ZDHHC5: variants seen among roughly 807,000 people sequenced by gnomAD.
ZDHHC5 encodes the protein palmitoyltransferase ZDHHC5.
In ZDHHC5, 22 loss-of-function variants were observed where a neutral mutation model predicts 70.0. That is an observed-to-expected ratio of 0.31 (90% CI 0.22 to 0.45). The LOEUF (loss-of-function observed/expected upper bound fraction) is 0.45. ZDHHC5 is among the 20% of genes least tolerant of loss of function. ZDHHC5 has a pLI of 1.00. For synonymous variants in ZDHHC5, 313 were observed against 347.8 expected (o/e 0.90, Z 1.11); for missense variants, 746 against 926.9 (o/e 0.80, Z 2.53).
At position 57,698,769 on chromosome 11, in the gene ZDHHC5, T is replaced by G; in HGVS notation, c.1333T>G (p.Ser445Ala). 4 of 1,614,160 alleles carry G rather than the reference T, an allele frequency of 2.5e-6. No homozygotes were observed. The Admixed American group carries it at 6.7e-5, about 27-fold the overall frequency. ...GTGFELGQLQSIRSEGTTSTS... is the reference protein window; with the variant it reads ...GTGFELGQLQAIRSEGTTSTS... The stretch of plus-strand genomic sequence containing the variant: ...AGGCTTTGAGCTGGGCCAGTTGCAA[T>G]CCATTCGTTCAGAGGGCACCACCTC... The change falls in exon 11 of 12, where the codon TCC (serine) becomes GCC (alanine). Residue 445 changes from serine (S) to alanine (A), a missense_variant. By Grantham distance (99) the Ser-to-Ala change is moderately conservative (BLOSUM62 1). This residue lies in a region of ZDHHC5 where 340 missense variants were observed against 350.1 expected (regional missense o/e 0.97). Coordinates refer to ENST00000287169, the MANE Select transcript of ZDHHC5 (RefSeq NM_015457.3).
Position 57,690,364 on chromosome 11 carries a change from T to C in ZDHHC5, c.587T>C (p.Phe196Ser). The C allele has an allele frequency of 1.2e-6, 2 of 1,614,180 alleles. No homozygotes were observed. Among genetic ancestry groups the C allele is most frequent in the Non-Finnish European group, 1.7e-6 (2 of 1,180,030 alleles). ...TMAVMCVAGL[F>S]FIPVAGLTGF... ...GCAGTAATGTGTGTGGCTGGCTTAT[T>C]CTTCATCCCTGTAGCTGGCCTCACG... The change falls in exon 6 of 12, where the codon TTC becomes TCC. Residue 196 changes from phenylalanine (F) to serine (S), a missense_variant. Around this residue, in one of 6 missense-constraint regions of ZDHHC5, gnomAD observed 114 missense variants for 179.3 expected, o/e 0.64. Transcript: ENST00000287169.
rs761541802 is a variant in ZDHHC5 at position 57,682,559 on chromosome 11, C to T, written c.226+16C>T. 8 of 1,613,266 alleles carry T rather than the reference C, an allele frequency of 5.0e-6. No individual in the cohort carries two copies. In the South Asian group the frequency reaches 7.7e-5, roughly 16 times the overall value. On this transcript the variant is annotated intron_variant, in intron 3 of 11. Transcript: ENST00000287169. ...TTCCCTCGAGGTAAGATCTGCTTCT[C>T]TCTTAGAAGCACCTTACACTGCCTT...
At chr11:57,670,896 C>T (rs1326488490) in intron 1 of ZDHHC5, among the ~76,000 whole-genome samples, 2 of 151,422 alleles carry the variant, frequency 1.3e-5, no homozygotes, top group South Asian at 2.1e-4. Context: ...CTGCAACCTC[C>T]GCCTCCTGGG....
chr11:57,679,281 C>T (rs1338390807), intron 2 of ZDHHC5, among the ~76,000 whole-genome samples: 1 of 152,176 alleles, frequency 6.6e-6, no homozygotes, highest in African/African-American at 2.4e-5. Flanking sequence ...CTTGCCTCAG[C>T]CTCCCGAGTA....
At position 57,700,188 on chromosome 11, in the gene ZDHHC5, C is replaced by T. The variant is rs1946422850; in HGVS notation, c.*157C>T. On this transcript the variant is annotated 3_prime_UTR_variant, in exon 12 of 12. Coordinates refer to ENST00000287169, the MANE Select transcript of ZDHHC5 (RefSeq NM_015457.3). Reference sequence around the variant, plus strand: ...GGAGTGTTTTCTAAAATGCAGTAGGCTTGGGGAGTCGGAGAGTTGGGGCCC... The same window carrying T: ...GGAGTGTTTTCTAAAATGCAGTAGGTTTGGGGAGTCGGAGAGTTGGGGCCC... 4 of 1,003,876 alleles carry T rather than the reference C, an allele frequency of 4.0e-6. No individual in the cohort carries two copies. The South Asian group carries it at 8.4e-5, about 21-fold the overall frequency. The allele number at this position is 1,003,876 out of a possible 1,614,324, so 62.2% of individuals were successfully genotyped here. A position where few individuals can be genotyped will look rare whatever the true frequency, so the allele number is the denominator to read the frequency against.
intron 3 of ZDHHC5, among the ~76,000 whole-genome samples, 176 bp downstream of exon 3, chr11:57,682,719 T>C (rs1946164240): frequency 6.6e-6 from 1 of 152,212 alleles, no homozygotes; most frequent in Non-Finnish European, 1.5e-5. Context: ...TGGGATACTT[T>C]TATCATTTTC....
chr11:57,699,989 G>A lies in ZDHHC5; in HGVS notation c.2106G>A (p.Lys702=). 9 of 1,610,184 alleles carry A rather than the reference G, an allele frequency of 5.6e-6. No homozygotes were observed. The highest frequency in any genetic ancestry group is 1.1e-5 in the South Asian group (1 of 90,574). Reference sequence around the variant, plus strand: ...GCCCCACGAGGGGAGGAGTCAAGAAGGTGTCAGGGGTTGGTGGTACCACCT... The same window carrying A: ...GCCCCACGAGGGGAGGAGTCAAGAAAGTGTCAGGGGTTGGTGGTACCACCT... The part of the protein sequence containing the change: ...LSSPTRGGVK[K]VSGVGGTTYE... Residue 702 remains lysine, a synonymous_variant, in exon 12 of 12, where the codon AAG becomes AAA. Transcript: ENST00000287169.
intron 8 of ZDHHC5, among the ~76,000 whole-genome samples, chr11:57,694,317 T>TA (rs1946322720): frequency 6.6e-6 from 1 of 151,510 alleles, no homozygotes; most frequent in African/African-American, 2.4e-5. Flanking sequence ...GTTTATCACT[T>TA]ACTAATTTGG....
chr11:57,682,013 G>A (rs968305329), intron 2 of ZDHHC5, among the ~76,000 whole-genome samples: 3 of 152,200 alleles, frequency 2.0e-5, no homozygotes, highest in Non-Finnish European at 4.4e-5. Context: ...GCAGGTCAAT[G>A]GGACATAGCT....
intron 2 of ZDHHC5, among the ~76,000 whole-genome samples, chr11:57,675,508 G>A (rs61886755): frequency 0.037 from 5,670 of 152,268 alleles, 142 homozygotes; most frequent in Middle Eastern, 0.085. Context: ...TAGGAAAAAG[G>A]ATTTTGGAGG....
chr11:57,699,797 GAA>G (rs983103075), intron 11 of ZDHHC5, 67 bp from the exon 12 acceptor site: 31 of 1,591,460 alleles, frequency 1.9e-5, no homozygotes, highest in Non-Finnish European at 2.6e-5. Context: ...CTGAACCTTT[GAA>G]ACTGTCTCCC....
chr11:57,678,570 C>CAAAAA (rs34342337), intron 2 of ZDHHC5, among the ~76,000 whole-genome samples: 2 of 101,466 alleles, frequency 2.0e-5, no homozygotes, highest in Non-Finnish European at 3.9e-5. Flanking sequence ...AACTCTGTCT[C>CAAAAA]AAAAAAAAAA....
intron 2 of ZDHHC5, among the ~76,000 whole-genome samples, chr11:57,681,019 A>G (rs1320154110): frequency 5.3e-5 from 8 of 152,240 alleles, no homozygotes; most frequent in Non-Finnish European, 1.0e-4. Flanking sequence ...GATATTTACT[A>G]TCTAAAAAGC....
At chr11:57,699,730 A>G in intron 11 of ZDHHC5, 136 bp from the exon 12 acceptor site, 1 of 1,208,500 alleles carries the variant, frequency 8.3e-7, no homozygotes, top group Non-Finnish European at 1.2e-6. Context: ...GCAGGGCAAT[A>G]AAGGGGAATG....
intron 8 of ZDHHC5, among the ~76,000 whole-genome samples, chr11:57,695,553 A>G (rs1946339650): frequency 6.6e-6 from 1 of 152,128 alleles, no homozygotes. Context: ...AGGGTGGCCA[A>G]GGTGGGGTGA....
Position 57,700,235 on chromosome 11 carries a change from C to T in ZDHHC5, c.*204C>T, listed in dbSNP as rs1316245157. ...GCCCTGAGACTGGGGTAGCAACCCC[C>T]CCTTTTATCTTTTAAGACCTTCCCT... On this transcript the variant is annotated 3_prime_UTR_variant, in exon 12 of 12. Transcript: ENST00000287169. 1 of 530,990 alleles carries T rather than the reference C, an allele frequency of 1.9e-6. No individual in the cohort carries two copies. Among genetic ancestry groups the T allele is most frequent in the Admixed American group, 3.9e-5 (1 of 25,968 alleles). The allele number at this position is 530,990 out of a possible 1,614,324, so 32.9% of individuals were successfully genotyped here. A position where few individuals can be genotyped will look rare whatever the true frequency, so the allele number is the denominator to read the frequency against.
intron 2 of ZDHHC5, among the ~76,000 whole-genome samples, chr11:57,677,314 T>G: frequency 2.5e-5 from 3 of 119,528 alleles, no homozygotes; most frequent in Non-Finnish European, 3.3e-5. Flanking sequence ...TGAGATGGAG[T>G]CTTACTCTGT....
chr11:57,697,508 G>A (rs1446021991), intron 10 of ZDHHC5, among the ~76,000 whole-genome samples: 2 of 150,110 alleles, frequency 1.3e-5, no homozygotes, highest in South Asian at 2.1e-4. Context: ...TGGGCGTGGT[G>A]GGGGGGCACC....
chr11:57,674,314 C>T (rs116359606), intron 2 of ZDHHC5, among the ~76,000 whole-genome samples: 2,457 of 143,794 alleles, frequency 0.017, 58 homozygotes, highest in African/African-American at 0.057. Context: ...CCTTTTTCCT[C>T]AGTTTTTTTT....
Sources: allele counts gnomAD v4.1 joint callset (sites outside exome capture counted in the v4.1 genomes callset), GRCh38; gene constraint gnomAD v4.1.1; regional missense constraint gnomAD v4.1.1; transcripts MANE v1.5; gene names NCBI Gene and HGNC (gene_info 2026-07-23, HGNC 2026-07-21).